Variants in CCDC146 observed in about 807,000 individuals in gnomAD.
CCDC146 encodes the protein coiled-coil domain-containing protein 146.
Under a neutral mutation model 119.3 loss-of-function variants are expected in CCDC146, and 92 were observed. The ratio of observed to expected loss-of-function variants is 0.77; its 90% CI spans 0.65 to 0.92. The LOEUF (loss-of-function observed/expected upper bound fraction) is 0.92, where lower values mean the gene tolerates loss of function less well. Ranked by LOEUF, CCDC146 falls within the 40% of genes least tolerant of loss-of-function variation. CCDC146 has a pLI of 0.00. For synonymous variants in CCDC146, 372 were observed against 371.8 expected (o/e 1.00, Z -0.01); for missense variants, 1,000 against 1,103.0 (o/e 0.91, Z 1.32).
rs1212250912 is a variant in CCDC146, at chr7:77,140,558, T to C, written c.-12+17826T>C. Among the ~76,000 whole-genome samples, 6 of 152,158 alleles carry C rather than the reference T, an allele frequency of 3.9e-5. No individual in the cohort carries two copies. In the East Asian group the frequency reaches 9.7e-4, roughly 25 times the overall value. ...GGAAACTGTCTTCTGTAACTTCTTT[T>C]AAGGCCACTAATCCCATCGTGAGGC... On this transcript the variant is annotated intron_variant, in intron 1 of 18. Coordinates refer to ENST00000285871, the MANE Select transcript of CCDC146 (RefSeq NM_020879.3).
chr7:77,240,381 A>G (rs1255695270), intron 3 of CCDC146, among the ~76,000 whole-genome samples: 1 of 152,242 alleles, frequency 6.6e-6, no homozygotes, highest in Non-Finnish European at 1.5e-5. Context: ...TGCACCTAGC[A>G]TAGTACAGTC....
intron 13 of CCDC146, among the ~76,000 whole-genome samples, chr7:77,279,498 T>G (rs973862367): frequency 1.3e-4 from 20 of 152,218 alleles, no homozygotes; most frequent in African/African-American, 4.8e-4. Context: ...TAATTGGGAT[T>G]GGGAAGTTAG....
chr7:77,249,376 T>C (rs1308964262), intron 4 of CCDC146, among the ~76,000 whole-genome samples: 1 of 151,232 alleles, frequency 6.6e-6, no homozygotes, highest in Non-Finnish European at 1.5e-5. Flanking sequence ...TAGTCCCAGC[T>C]ACTCGGGAGG....
Position 77,254,489 on chromosome 7 carries a change from A to AT in CCDC146, c.450-5dup, listed in dbSNP as rs112665383. 0.062 allele frequency: 61,397 copies of AT among 993,604 alleles called. 578 individuals carry two copies. Among genetic ancestry groups the AT allele is most frequent in the African/African-American group, 0.18 (10,889 of 60,942 alleles). The allele number at this position is 993,604 out of a possible 1,614,324, so 61.5% of individuals were successfully genotyped here. A position where few individuals can be genotyped will look rare whatever the true frequency, so the allele number is the denominator to read the frequency against. On this transcript the variant is annotated splice_polypyrimidine_tract_variant and intron_variant, in intron 4 of 18. Coordinates refer to ENST00000285871, the MANE Select transcript of CCDC146 (RefSeq NM_020879.3). ...ATTTCTTTGTACTTTTTCAAACTTG[A>AT]TTTTTTTTTTTTGCAGCTTAAAGGA...
intron 2 of CCDC146, among the ~76,000 whole-genome samples, chr7:77,225,192 C>A (rs765415288): frequency 6.6e-6 from 1 of 152,174 alleles, no homozygotes; most frequent in Non-Finnish European, 1.5e-5. Flanking sequence ...TTCTCTCTTA[C>A]AACTGAAGAG....
chr7:77,173,655 G>A (rs901359255), intron 2 of CCDC146, among the ~76,000 whole-genome samples: 16 of 152,258 alleles, frequency 1.1e-4, no homozygotes, highest in Admixed American at 2.0e-4. Context: ...AGTGATGTTT[G>A]GAAACCAAGC....
In CCDC146 at chr7:77,138,876, A is replaced by G. The variant is rs1409754094; in HGVS notation, c.-12+16144A>G. The stretch of plus-strand genomic sequence containing the variant: ...AATACTGACAACACTAAAAGCTGAC[A>G]AGAATGTGGTGCAACAGGAACTCTC... On this transcript the variant is annotated intron_variant, in intron 1 of 18. Transcript: ENST00000285871. Among the ~76,000 whole-genome samples the G allele has an allele frequency of 2.0e-5, 3 of 152,244 alleles. No homozygotes were observed. In the East Asian group the frequency reaches 5.8e-4, roughly 29 times the overall value.
Position 77,287,215 on chromosome 7 carries a change from C to T in CCDC146, c.2278-225C>T, listed in dbSNP as rs1793863872. On this transcript the variant is annotated intron_variant, in intron 16 of 18. Coordinates refer to ENST00000285871, the MANE Select transcript of CCDC146 (RefSeq NM_020879.3). ...TTAATTTGTCTTCCTGATGGGAGCA[C>T]ATCAGAAGAATGGTGATGTGGATGT... The T allele has an allele frequency of 2.0e-5, 12 of 598,882 alleles. No homozygotes were observed. In the South Asian group the frequency reaches 2.1e-4, roughly 10 times the overall value. 37.1% of individuals were successfully genotyped at this position (598,882 alleles called of 1,614,324 possible).
At chr7:77,219,763 G>A (rs1792366933) in intron 2 of CCDC146, among the ~76,000 whole-genome samples, 1 of 152,142 alleles carries the variant, frequency 6.6e-6, no homozygotes. Context: ...CTCCGGGGGT[G>A]ACATCACATG....
intron 5 of CCDC146, chr7:77,255,525 C>G (rs372753901): frequency 6.6e-6 from 1 of 152,208 alleles, no homozygotes; most frequent in Non-Finnish European, 1.5e-5. Context: ...TATGCCAAAC[C>G]ATCATTTACA....
At chr7:77,136,941 TTCAAC>T (rs1790868115) in intron 1 of CCDC146, among the ~76,000 whole-genome samples, 1 of 152,166 alleles carries the variant, frequency 6.6e-6, no homozygotes, top group Non-Finnish European at 1.5e-5. Context: ...GCAAGGCTGG[TTCAAC>T]ACTCAAAAAT....
At chr7:77,133,541 G>A (rs555799920) in intron 1 of CCDC146, among the ~76,000 whole-genome samples, 12 of 152,004 alleles carry the variant, frequency 7.9e-5, no homozygotes, top group South Asian at 4.2e-4. Flanking sequence ...TAGTAGAGAC[G>A]TGGTTTCACC....
At chr7:77,192,265 T>G (rs1791782014) in intron 2 of CCDC146, among the ~76,000 whole-genome samples, 1 of 152,172 alleles carries the variant, frequency 6.6e-6, no homozygotes, top group African/African-American at 2.4e-5. Flanking sequence ...TATATGTGAT[T>G]TAATCCTCTC....
chr7:77,168,862 C>A (rs1428207023), intron 2 of CCDC146, among the ~76,000 whole-genome samples: 1 of 151,954 alleles, frequency 6.6e-6, no homozygotes, highest in Admixed American at 6.6e-5. Context: ...TCTGAAGACA[C>A]GATGCCCCTT....
intron 2 of CCDC146, among the ~76,000 whole-genome samples, chr7:77,180,524 CCCCA>C (rs1321580116): frequency 1.3e-5 from 2 of 152,090 alleles, no homozygotes; most frequent in Non-Finnish European, 2.9e-5. Context: ...CAAAGTGAGA[CCCCA>C]CCTTTACAAA....
At chr7:77,199,955 C>A in intron 2 of CCDC146, 1 of 720,642 alleles carries the variant, frequency 1.4e-6, no homozygotes, top group Non-Finnish European at 2.2e-6. Flanking sequence ...CCTCATCAAA[C>A]GCAGTTTGCC....
At chr7:77,294,608 A>C in intron 18 of CCDC146, 55 bp from the exon 19 acceptor site, 1 of 1,561,810 alleles carries the variant, frequency 6.4e-7, no homozygotes. Flanking sequence ...CCTAAGGATA[A>C]AGTGACTTCA....
chr7:77,127,108 G>A (rs1435904579), intron 1 of CCDC146, among the ~76,000 whole-genome samples: 1 of 152,186 alleles, frequency 6.6e-6, no homozygotes, highest in Non-Finnish European at 1.5e-5. Context: ...GGTACAGGCT[G>A]CAGAGATGCC....
intron 2 of CCDC146, among the ~76,000 whole-genome samples, chr7:77,189,350 T>C (rs1383746850): frequency 6.6e-6 from 1 of 152,188 alleles, no homozygotes; most frequent in Non-Finnish European, 1.5e-5. Context: ...CAGCAAATTT[T>C]GTCACCTCTA....
Sources: gnomAD v4.1 joint callset for allele counts (sites outside exome capture counted in the v4.1 genomes callset) on GRCh38, gnomAD v4.1.1 for gene constraint, MANE v1.5 for transcripts, NCBI Gene and HGNC (gene_info 2026-07-23, HGNC 2026-07-21) for gene names.